Variants in RSU1 observed in about 807,000 individuals in gnomAD.
The protein encoded by RSU1 is Ras suppressor protein 1, also known as rsu-1.
Under a neutral mutation model 31.1 loss-of-function variants are expected in RSU1, and 26 were observed. The observed-to-expected ratio is 0.84, with a 90% CI of 0.61 to 1.16. The LOEUF (loss-of-function observed/expected upper bound fraction) is 1.16. RSU1 is among the 50% of genes most tolerant of loss of function. The pLI is 0.00. For missense variants in RSU1, 320 were observed against 339.1 expected, an observed-to-expected ratio of 0.94 and a Z score of 0.44; for synonymous variants, 164 against 136.3, an observed-to-expected ratio of 1.20 and a Z score of -1.41.
chr10:16,687,577 G>A (rs11254142), intron 8 of RSU1, among the ~76,000 whole-genome samples: 1 of 152,146 alleles, frequency 6.6e-6, no homozygotes, highest in African/African-American at 2.4e-5. Flanking sequence ...ATTTGGAAGA[G>A]AGTAAGAACT....
intron 8 of RSU1, among the ~76,000 whole-genome samples, chr10:16,609,425 C>T: frequency 6.6e-6 from 1 of 152,150 alleles, no homozygotes; most frequent in Admixed American, 6.5e-5. Context: ...ATCCAAGAAT[C>T]CAAAGTGTTT....
At chr10:16,777,161 G>C (rs79503036) in intron 3 of RSU1, among the ~76,000 whole-genome samples, 4 of 151,850 alleles carry the variant, frequency 2.6e-5, no homozygotes, top group Non-Finnish European at 5.9e-5. Context: ...AGCAGTATAC[G>C]AATCAGCATA....
intron 8 of RSU1, among the ~76,000 whole-genome samples, chr10:16,602,837 T>A (rs1391655988): frequency 5.3e-5 from 8 of 152,220 alleles, no homozygotes; most frequent in Non-Finnish European, 1.2e-4. Context: ...GATGCTAAAT[T>A]TAAAATCTCT....
Position 16,695,041 on chromosome 10 carries a change from C to T in RSU1, c.713G>A (p.Arg238His), listed in dbSNP as rs372364335. 28 of 1,612,394 alleles carry T rather than the reference C, an allele frequency of 1.7e-5. No individual in the cohort carries two copies. The highest frequency in any genetic ancestry group is 4.5e-5 in the East Asian group (2 of 44,852). ...TACTTACTATTTGTATGTCTCAGAA[C>T]GGATATACTCAAAAACATGGGACAC... ...LGVSHVFEYI[R>H]SETYKYLYGR... Residue 238 changes from arginine to histidine, a missense_variant, in exon 8 of 9, where the codon CGT becomes CAT. Arg to His is a conservative substitution (Grantham distance 29, BLOSUM62 0). Coordinates refer to ENST00000345264, the MANE Select transcript of RSU1 (RefSeq NM_012425.4).
At chr10:16,659,787 T>A (rs1256293516) in intron 8 of RSU1, among the ~76,000 whole-genome samples, 1 of 152,240 alleles carries the variant, frequency 6.6e-6, no homozygotes, top group African/African-American at 2.4e-5. Context: ...ATTTGAACTC[T>A]TTTCTTACTG....
intron 4 of RSU1, among the ~76,000 whole-genome samples, chr10:16,761,936 C>T (rs1052296869): frequency 5.3e-5 from 8 of 152,114 alleles, no homozygotes; most frequent in African/African-American, 1.4e-4. Context: ...GAAATTCTCA[C>T]GCATCAAGTC....
intron 2 of RSU1, among the ~76,000 whole-genome samples, chr10:16,804,579 A>T (rs1838226540): frequency 6.6e-6 from 1 of 152,236 alleles, no homozygotes; most frequent in Non-Finnish European, 1.5e-5. Flanking sequence ...ATCATCCAAT[A>T]GGTGAATGGA....
intron 2 of RSU1, among the ~76,000 whole-genome samples, chr10:16,800,670 T>C (rs1334902793): frequency 6.6e-6 from 1 of 152,208 alleles, no homozygotes; most frequent in Non-Finnish European, 1.5e-5. Context: ...ACCGATTCTA[T>C]AAAGAACAAC....
intron 2 of RSU1, among the ~76,000 whole-genome samples, chr10:16,789,448 C>T (rs1039629781): frequency 2.0e-5 from 3 of 152,210 alleles, no homozygotes; most frequent in East Asian, 3.8e-4. Context: ...AAAGAATCAA[C>T]AGACCCCCAC....
chr10:16,624,206 ATG>A lies in RSU1; in HGVS notation c.732-30712_732-30711del, dbSNP rs199805315. 3.1e-4 allele frequency among the ~76,000 whole-genome samples: 44 copies of A among 140,490 alleles called. 2 individuals are homozygous for A. The East Asian group carries it at 8.4e-3, about 27-fold the overall frequency. The allele number at this position is 140,490 out of a possible 152,430, so 92.2% of individuals were successfully genotyped here. ...TCCCTGCAGGAGGCCAAGCTTGCAC[ATG>A]TGTGTGTGTGTCTGTAAGTGTGAAC... On this transcript the variant is annotated intron_variant, in intron 8 of 8. Coordinates refer to ENST00000345264, the MANE Select transcript of RSU1 (RefSeq NM_012425.4).
intron 8 of RSU1, among the ~76,000 whole-genome samples, chr10:16,611,556 T>G (rs953711338): frequency 6.6e-6 from 1 of 152,200 alleles, no homozygotes; most frequent in African/African-American, 2.4e-5. Flanking sequence ...CAAATACCAC[T>G]TTGCTTCTTT....
At position 16,812,085 on chromosome 10, in the gene RSU1, G is replaced by T. The variant is rs139450504; in HGVS notation, c.109+4888C>A. ...AAACGAAAAGGGCTCCCCAGGCCAA[G>T]AAGCGGCGTGTTTAAAAACAGAAAG... On this transcript the variant is annotated intron_variant, in intron 2 of 8. Transcript: ENST00000345264. Among the ~76,000 whole-genome samples, 1,025 of 152,354 alleles carry T rather than the reference G, an allele frequency of 6.7e-3. 10 individuals are homozygous for T. The highest frequency in any genetic ancestry group is 0.012 in the Non-Finnish European group (783 of 68,038).
chr10:16,808,881 T>TGAGGGACAA (rs1411337323), intron 2 of RSU1, among the ~76,000 whole-genome samples: 7 of 152,108 alleles, frequency 4.6e-5, no homozygotes, highest in Admixed American at 2.0e-4. Flanking sequence ...CTGAACAGAC[T>TGAGGGACAA]GAGGGACAGC....
intron 7 of RSU1, among the ~76,000 whole-genome samples, 184 bp from the exon 8 acceptor site, chr10:16,695,339 G>C (rs1237839951): frequency 3.3e-5 from 5 of 152,012 alleles, no homozygotes; most frequent in Admixed American, 3.3e-4. Context: ...ACAGTACCTT[G>C]GCCCCAGAAA....
intron 8 of RSU1, among the ~76,000 whole-genome samples, chr10:16,616,445 G>A (rs941774488): frequency 1.3e-5 from 2 of 149,410 alleles, no homozygotes; most frequent in Non-Finnish European, 3.0e-5. Context: ...GACAAAAAGA[G>A]CTAATATCAT....
intron 8 of RSU1, among the ~76,000 whole-genome samples, chr10:16,660,919 ATTAC>A (rs1476834572): frequency 6.6e-6 from 1 of 152,040 alleles, no homozygotes; most frequent in Non-Finnish European, 1.5e-5. Context: ...AAGTGCTGGG[ATTAC>A]AGGTGTGAGC....
At chr10:16,643,357 T>A (rs532920894) in intron 8 of RSU1, among the ~76,000 whole-genome samples, 1 of 152,224 alleles carries the variant, frequency 6.6e-6, no homozygotes, top group Admixed American at 6.5e-5. Flanking sequence ...TTTCAGTACA[T>A]AAATAATGCT....
rs542633658 is a variant in RSU1 at position 16,810,230 on chromosome 10, CAAAAAATA to C, written c.109+6735_109+6742del. ...TGGGCAACAGAGTGAGACTGTGTCT[CAAAAAATA>C]AAAAAATAAAAAAATAGAAATTAAA... is the stretch of plus-strand genomic sequence containing the variant. On this transcript the variant is annotated intron_variant, in intron 2 of 8. Coordinates refer to ENST00000345264, the MANE Select transcript of RSU1 (RefSeq NM_012425.4). Among the ~76,000 whole-genome samples, 1,220 of 151,298 alleles carry C rather than the reference CAAAAAATA, an allele frequency of 8.1e-3. 24 individuals are homozygous for C. The highest frequency in any genetic ancestry group is 0.029 in the African/African-American group (1,174 of 41,166).
intron 7 of RSU1, among the ~76,000 whole-genome samples, chr10:16,698,627 T>C (rs891155715): frequency 2.0e-5 from 3 of 152,166 alleles, no homozygotes; most frequent in African/African-American, 7.2e-5. Flanking sequence ...CAATCCCAAG[T>C]GATGTCTCTA....
Sources: gnomAD v4.1 joint callset for allele counts (sites outside exome capture counted in the v4.1 genomes callset) on GRCh38, gnomAD v4.1.1 for gene constraint, MANE v1.5 for transcripts, NCBI Gene and HGNC (gene_info 2026-07-23, HGNC 2026-07-21) for gene names.